Variants in FGF14 observed in about 807,000 individuals in gnomAD.
FGF14 encodes the protein fibroblast growth factor homologous factor 4.
FGF14 carries 5 observed loss-of-function variants against 25.5 expected under a neutral mutation model. The ratio of observed to expected loss-of-function variants is 0.20; its 90% confidence interval spans 0.10 to 0.41. The LOEUF is 0.41. Ranked by LOEUF, FGF14 falls within the 10% of genes least tolerant of loss-of-function variation. FGF14 has a pLI of 1.00. For missense variants in FGF14, 222 were observed against 320.1 expected (o/e 0.69, Z 2.34); for synonymous variants, 138 against 118.3 (o/e 1.17, Z -1.08).
intron 3 of FGF14, among the ~76,000 whole-genome samples, chr13:101,845,499 T>C (rs1359455448): frequency 6.6e-6 from 1 of 151,918 alleles, no homozygotes; most frequent in Non-Finnish European, 1.5e-5. Context: ...CAGAAACTGA[T>C]TATGACTTGG....
chr13:101,966,750 G>C (rs977938030), intron 1 of FGF14, among the ~76,000 whole-genome samples: 20 of 152,058 alleles, frequency 1.3e-4, no homozygotes, highest in Admixed American at 4.6e-4. Flanking sequence ...CTAAGTGCTG[G>C]GATTACAGGC....
At chr13:102,064,909 G>A (rs550770664) in intron 1 of FGF14, among the ~76,000 whole-genome samples, 7 of 152,044 alleles carry the variant, frequency 4.6e-5, no homozygotes, top group African/African-American at 1.4e-4. Flanking sequence ...ATTCATAGAA[G>A]TTCCTGGAAC....
At chr13:101,838,900 C>G (rs186539067) in intron 3 of FGF14, among the ~76,000 whole-genome samples, 1 of 152,044 alleles carries the variant, frequency 6.6e-6, no homozygotes, top group Non-Finnish European at 1.5e-5. Context: ...TTTTCAGACA[C>G]GTTTTTGTCT....
chr13:102,014,462 T>C (rs781131379), intron 1 of FGF14, among the ~76,000 whole-genome samples: 3 of 152,164 alleles, frequency 2.0e-5, no homozygotes, highest in Non-Finnish European at 4.4e-5. Context: ...AGATTGTGTC[T>C]ATATTTTAAG....
intron 3 of FGF14, among the ~76,000 whole-genome samples, chr13:101,767,937 G>A (rs1016783241): frequency 9.9e-5 from 15 of 152,106 alleles, no homozygotes; most frequent in Non-Finnish European, 1.9e-4. Context: ...AGAGCTAAGA[G>A]TATATTCTTG....
At chr13:102,211,886 G>C (rs545723055) in intron 1 of FGF14, among the ~76,000 whole-genome samples, 1 of 152,270 alleles carries the variant, frequency 6.6e-6, no homozygotes, top group South Asian at 2.1e-4. Flanking sequence ...TGTTACTAAA[G>C]CTTCTTGGTT....
chr13:102,392,039 CACAGGA>C (rs1399738952), intron 1 of FGF14, among the ~76,000 whole-genome samples: 2 of 152,208 alleles, frequency 1.3e-5, no homozygotes, highest in Non-Finnish European at 2.9e-5. Context: ...ATGTGCTCCA[CACAGGA>C]AGTGGAAAGA....
chr13:101,856,970 A>C lies in FGF14; in HGVS notation c.408+11755T>G, dbSNP rs74121059. 2.5e-3 allele frequency among the ~76,000 whole-genome samples: 382 copies of C among 152,108 alleles called. 1 individual carries two copies. Among genetic ancestry groups the C allele is most frequent in the African/African-American group, 8.9e-3 (368 of 41,554 alleles). On this transcript the variant is annotated intron_variant, in intron 3 of 4. Coordinates refer to ENST00000376143, the MANE Select transcript of FGF14 (RefSeq NM_004115.4). ...GTATTATAAAAGGTCCATAGTGGAA[A>C]GGCAGATGAGTTCATTGGAGATGTT...
chr13:102,103,854 G>C (rs373090785), intron 1 of FGF14, among the ~76,000 whole-genome samples: 72 of 152,214 alleles, frequency 4.7e-4, no homozygotes, highest in African/African-American at 1.7e-3. Context: ...AAGCGCCAGA[G>C]GGTCCTTCTT....
chr13:102,258,604 G>A (rs1346717438), intron 1 of FGF14, among the ~76,000 whole-genome samples: 1 of 152,094 alleles, frequency 6.6e-6, no homozygotes, highest in Non-Finnish European at 1.5e-5. Flanking sequence ...AGAAGAATAT[G>A]GCAGCAGATG....
chr13:102,125,959 A>G (rs900362895), intron 1 of FGF14, among the ~76,000 whole-genome samples: 1 of 152,122 alleles, frequency 6.6e-6, no homozygotes, highest in Admixed American at 6.6e-5. Flanking sequence ...GCTTGCATGG[A>G]GATTGGATTA....
chr13:101,714,820 T>G lies in FGF14; in HGVS notation c.*8011A>C. On this transcript the variant is annotated 3_prime_UTR_variant, in exon 5 of 5. Transcript: ENST00000376143. Reference sequence around the variant, plus strand: ...TAACCTCCCCACCCTCAAACTCACATGTATGCAGTTGTATATTGAACACAG... The same window carrying G: ...TAACCTCCCCACCCTCAAACTCACAGGTATGCAGTTGTATATTGAACACAG... The G allele has an allele frequency of 4.4e-6, 2 of 449,566 alleles. No homozygotes were observed. Among genetic ancestry groups the G allele is most frequent in the Non-Finnish European group, 8.0e-6 (2 of 250,178 alleles). 27.8% of individuals were successfully genotyped at this position (449,566 alleles called of 1,614,324 possible). A position where few individuals can be genotyped will look rare whatever the true frequency, so the allele number is the denominator to read the frequency against.
At chr13:102,229,231 C>T (rs1176448230) in intron 1 of FGF14, among the ~76,000 whole-genome samples, 1 of 152,184 alleles carries the variant, frequency 6.6e-6, no homozygotes, top group African/African-American at 2.4e-5. Context: ...TTACATTAAG[C>T]TCTGTTGTCC....
chr13:102,400,319 G>A lies in FGF14; in HGVS notation c.208+1152C>T, dbSNP rs537807869. Among the ~76,000 whole-genome samples the A allele has an allele frequency of 9.9e-5, 15 of 152,276 alleles. No individual in the cohort carries two copies. Among genetic ancestry groups the A allele is most frequent in the African/African-American group, 3.6e-4 (15 of 41,558 alleles). On this transcript the variant is annotated intron_variant, in intron 1 of 4. Coordinates refer to the FGF14 transcript ENST00000376131. This position sits in a 1 kb window ranked among gnomAD's most constrained non-coding sequence, Gnocchi z 4.3. ...AGAGCCCGGGCTGCCACTGCGGGAC[G>A]GCCGATCTGCCCGCTCCCTCCTTCA...
At chr13:101,788,010 TAC>T (rs1257375690) in intron 3 of FGF14, among the ~76,000 whole-genome samples, 1 of 152,134 alleles carries the variant, frequency 6.6e-6, no homozygotes, top group East Asian at 1.9e-4. Flanking sequence ...TAGCTGGGAT[TAC>T]AGGCTTGTGG....
intron 1 of FGF14, among the ~76,000 whole-genome samples, chr13:102,077,877 A>T (rs924141590): frequency 6.6e-6 from 1 of 152,190 alleles, no homozygotes; most frequent in African/African-American, 2.4e-5. Flanking sequence ...CAAAATATGA[A>T]ATCTACCTAA....
chr13:101,872,456 A>G (rs1364360905), intron 2 of FGF14, among the ~76,000 whole-genome samples: 3 of 151,864 alleles, frequency 2.0e-5, no homozygotes, highest in Non-Finnish European at 4.4e-5. Flanking sequence ...AGGACCTGAC[A>G]GCCTTTCTAA....
At chr13:102,264,781 G>C (rs1238156587) in intron 1 of FGF14, among the ~76,000 whole-genome samples, 1 of 152,072 alleles carries the variant, frequency 6.6e-6, no homozygotes, top group Non-Finnish European at 1.5e-5. Flanking sequence ...GTTGTCAAGG[G>C]ACACAGCTGG....
At chr13:102,081,655 AGATT>A (rs756268309) in intron 1 of FGF14, among the ~76,000 whole-genome samples, 1 of 152,210 alleles carries the variant, frequency 6.6e-6, no homozygotes, top group Non-Finnish European at 1.5e-5. Flanking sequence ...TACGAGTTTA[AGATT>A]GTCATTAGTT....
Sources: allele counts gnomAD v4.1 joint callset (sites outside exome capture counted in the v4.1 genomes callset), GRCh38; gene constraint gnomAD v4.1.1; non-coding constraint Gnocchi (gnomAD v3.1); transcripts MANE v1.5; gene names NCBI Gene and HGNC (gene_info 2026-07-23, HGNC 2026-07-21).